KHDRBS2: variants seen among roughly 807,000 people sequenced by gnomAD.
KHDRBS2 encodes KH domain-containing, RNA-binding, signal transduction-associated protein 2.
KHDRBS2 carries 26 observed loss-of-function variants against 44.3 expected under a neutral mutation model. That is an observed-to-expected ratio of 0.59 (90% CI 0.43 to 0.81). The LOEUF is 0.81. Ranked by LOEUF, KHDRBS2 falls within the 40% of genes least tolerant of loss-of-function variation. KHDRBS2 has a pLI of 0.00. For synonymous variants in KHDRBS2, 194 were observed against 151.1 expected (o/e 1.28, Z -2.08); for missense variants, 476 against 433.1 (o/e 1.10, Z -0.88).
At chr6:62,192,434 G>T (rs1824822626) in intron 1 of KHDRBS2, among the ~76,000 whole-genome samples, 3 of 152,072 alleles carry the variant, frequency 2.0e-5, no homozygotes, top group Non-Finnish European at 4.4e-5. Context: ...TGGTTCAAAT[G>T]AAAAGACTTT....
chr6:62,062,997 A>G (rs926406610), intron 2 of KHDRBS2, among the ~76,000 whole-genome samples: 2 of 151,334 alleles, frequency 1.3e-5, no homozygotes, highest in Non-Finnish European at 2.9e-5. Flanking sequence ...AATACTACAA[A>G]CAACTCTATG....
chr6:61,551,840 C>T, the KHDRBS2 span, among the ~76,000 whole-genome samples: 1 of 146,182 alleles, frequency 6.8e-6, no homozygotes. Context: ...GCCTTGGTTA[C>T]TCAGGCCTTT....
At chr6:61,750,794 C>T (rs1266666802) in intron 6 of KHDRBS2, among the ~76,000 whole-genome samples, 1 of 147,872 alleles carries the variant, frequency 6.8e-6, no homozygotes, top group Non-Finnish European at 1.5e-5. Context: ...GGAGGCAATA[C>T]ATCATCACGG....
intron 6 of KHDRBS2, among the ~76,000 whole-genome samples, chr6:61,746,908 C>T (rs1242453817): frequency 6.6e-6 from 1 of 151,764 alleles, no homozygotes; most frequent in African/African-American, 2.4e-5. Context: ...AGCTTCTGCA[C>T]AGCAAAAGAA....
the KHDRBS2 span, among the ~76,000 whole-genome samples, chr6:61,660,582 C>T: frequency 6.6e-6 from 1 of 151,908 alleles, no homozygotes; most frequent in East Asian, 1.9e-4. Flanking sequence ...TCTTCCAAAT[C>T]ATCTGTATCT....
the KHDRBS2 span, among the ~76,000 whole-genome samples, chr6:61,599,635 C>T: frequency 6.6e-6 from 1 of 152,100 alleles, no homozygotes. Flanking sequence ...ACCCAGTAGG[C>T]CCTCCTAGGA....
intron 2 of KHDRBS2, among the ~76,000 whole-genome samples, chr6:62,162,880 G>A (rs914219174): frequency 1.6e-4 from 24 of 152,154 alleles, no homozygotes; most frequent in African/African-American, 3.9e-4. Context: ...ATCAGGTGCC[G>A]TCACCAGCTG....
intron 7 of KHDRBS2, among the ~76,000 whole-genome samples, chr6:61,709,376 G>A (rs75728456): frequency 0.04 from 6,090 of 151,496 alleles, 146 homozygotes; most frequent in East Asian, 0.086. Context: ...TCTATATAAG[G>A]CATCTAGTGT....
At chr6:61,762,051 A>C (rs1779344310) in intron 6 of KHDRBS2, among the ~76,000 whole-genome samples, 1 of 152,210 alleles carries the variant, frequency 6.6e-6, no homozygotes, top group Admixed American at 6.5e-5. Context: ...TTTAGATACT[A>C]ATACAAAATG....
At chr6:61,581,040 G>A in the KHDRBS2 span, among the ~76,000 whole-genome samples, 3,718 of 152,274 alleles carry the variant, frequency 0.024, 71 homozygotes, top group Middle Eastern at 0.085. Context: ...TTATCAGGTT[G>A]GGTCTTAAAA....
rs1013854282 is a variant in KHDRBS2, at chr6:61,840,027, G to T, written c.810+54608C>A. 9.2e-5 allele frequency among the ~76,000 whole-genome samples: 14 copies of T among 151,978 alleles called. 1 individual carries two copies. Among genetic ancestry groups the T allele is most frequent in the Admixed American group, 5.9e-4 (9 of 15,244 alleles). ...AGTAAAATAATCTATTCAGTTTTTT[G>T]TTACCTTTTATAATAATATTTGTCT... is the stretch of plus-strand genomic sequence containing the variant. On this transcript the variant is annotated intron_variant, in intron 6 of 8. Coordinates refer to ENST00000281156, the MANE Select transcript of KHDRBS2 (RefSeq NM_152688.4).
intron 3 of KHDRBS2, among the ~76,000 whole-genome samples, chr6:61,999,962 A>T (rs1440174299): frequency 6.6e-6 from 1 of 152,182 alleles, no homozygotes; most frequent in African/African-American, 2.4e-5. Context: ...CTATAATAGC[A>T]AAACAAAAAC....
At chr6:62,041,442 A>T (rs1488104999) in intron 3 of KHDRBS2, among the ~76,000 whole-genome samples, 1 of 152,142 alleles carries the variant, frequency 6.6e-6, no homozygotes, top group Admixed American at 6.6e-5. Flanking sequence ...TGGCTTATAA[A>T]TTGTAAAATG....
intron 7 of KHDRBS2, among the ~76,000 whole-genome samples, chr6:61,721,973 G>C (rs1003042386): frequency 1.3e-5 from 2 of 149,566 alleles, no homozygotes; most frequent in Non-Finnish European, 3.0e-5. Flanking sequence ...AATTTATTGA[G>C]AGTTTTTAGC....
intron 2 of KHDRBS2, among the ~76,000 whole-genome samples, chr6:62,095,113 T>G (rs1011304114): frequency 6.6e-6 from 1 of 151,920 alleles, no homozygotes; most frequent in African/African-American, 2.4e-5. Context: ...CCATTGGTAT[T>G]TTGATGGAGA....
At chr6:62,194,474 TTCTTC>T (rs1369676737) in intron 1 of KHDRBS2, among the ~76,000 whole-genome samples, 8 of 141,748 alleles carry the variant, frequency 5.6e-5, no homozygotes, top group Non-Finnish European at 9.0e-5. Flanking sequence ...TTCTTTTCTT[TTCTTC>T]CTTTTTTTTT....
chr6:61,646,428 A>G, the KHDRBS2 span, among the ~76,000 whole-genome samples: 1,546 of 152,282 alleles, frequency 0.01, 12 homozygotes, highest in Non-Finnish European at 0.015. Context: ...CTCCAAGGAC[A>G]ACTACTTTCT....
intron 2 of KHDRBS2, among the ~76,000 whole-genome samples, chr6:62,170,215 C>A (rs1213381932): frequency 6.6e-6 from 1 of 152,004 alleles, no homozygotes; most frequent in Non-Finnish European, 1.5e-5. Flanking sequence ...GGTGACTAAG[C>A]AGGGAGGAGC....
chr6:62,212,414 G>A (rs1407061927), intron 1 of KHDRBS2, among the ~76,000 whole-genome samples: 1 of 151,482 alleles, frequency 6.6e-6, no homozygotes, highest in African/African-American at 2.4e-5. Context: ...GAGAGAGGGA[G>A]ATGGTATGGG....
Sources: gnomAD v4.1 joint callset for allele counts (sites outside exome capture counted in the v4.1 genomes callset) on GRCh38, gnomAD v4.1.1 for gene constraint, MANE v1.5 for transcripts, NCBI Gene and HGNC (gene_info 2026-07-23, HGNC 2026-07-21) for gene names.